The following SLC16A10 variants were observed in gnomAD, a reference collection of about 807,000 sequenced individuals.
SLC16A10 encodes solute carrier family 16 member 10, also known as monocarboxylate transporter 10.
A neutral mutation model predicts 40.0 loss-of-function variants in SLC16A10; 27 were observed. That is an observed-to-expected ratio of 0.67 (90% CI 0.50 to 0.93). The LOEUF (loss-of-function observed/expected upper bound fraction) is 0.93. SLC16A10 is among the 40% of genes least tolerant of loss of function. The pLI, the probability that SLC16A10 is intolerant of heterozygous loss-of-function variation, is 0.00. For synonymous variants in SLC16A10, 213 were observed against 249.8 expected (o/e 0.85, Z 1.39); for missense variants, 529 against 658.2 (o/e 0.80, Z 2.15).
chr6:111,137,060 A>T (rs1190463792), intron 1 of SLC16A10, among the ~76,000 whole-genome samples: 1 of 152,198 alleles, frequency 6.6e-6, no homozygotes, highest in Non-Finnish European at 1.5e-5. Context: ...GAAAGGACAG[A>T]GAAATAAAAG....
At chr6:111,221,144 A>G (rs1395388809) in intron 5 of SLC16A10, among the ~76,000 whole-genome samples, 2 of 152,252 alleles carry the variant, frequency 1.3e-5, no homozygotes, top group African/African-American at 4.8e-5. Flanking sequence ...TAGGTTTTAT[A>G]GTATAAGTTA....
chr6:111,088,199 G>C (rs902210317), intron 1 of SLC16A10, 104 bp downstream of exon 1: 1 of 1,204,790 alleles, frequency 8.3e-7, no homozygotes, highest in Admixed American at 2.5e-5. Context: ...CATGTCGGTG[G>C]GTCCCTGTGC....
At chr6:111,206,793 A>C in intron 4 of SLC16A10, 58 bp downstream of exon 4, 2 of 1,559,814 alleles carry the variant, frequency 1.3e-6, no homozygotes, top group Non-Finnish European at 1.7e-6. Context: ...CCGATGTCTC[A>C]TTAAATGTAC....
intron 1 of SLC16A10, among the ~76,000 whole-genome samples, chr6:111,106,741 C>T (rs940094310): frequency 6.6e-6 from 1 of 152,206 alleles, no homozygotes; most frequent in African/African-American, 2.4e-5. Flanking sequence ...AACTAGTTGC[C>T]TTCAACCCTT....
At chr6:111,109,211 G>A (rs942781790) in intron 1 of SLC16A10, among the ~76,000 whole-genome samples, 4 of 152,146 alleles carry the variant, frequency 2.6e-5, no homozygotes, top group Non-Finnish European at 5.9e-5. Context: ...GTGTACCCTC[G>A]TGATCCTTTT....
chr6:111,125,808 A>G (rs571068906), intron 1 of SLC16A10, among the ~76,000 whole-genome samples: 1 of 152,262 alleles, frequency 6.6e-6, no homozygotes, highest in South Asian at 2.1e-4. Context: ...AACAGGTAGG[A>G]TGGTATTATT....
At chr6:111,192,920 C>A (rs1299193415) in intron 3 of SLC16A10, among the ~76,000 whole-genome samples, 1 of 152,176 alleles carries the variant, frequency 6.6e-6, no homozygotes, top group Admixed American at 6.5e-5. Flanking sequence ...AGTTACAATT[C>A]AAGATGAGAT....
At position 111,225,773 on chromosome 6, in the gene SLC16A10, GC is replaced by G. The variant is rs921087164; in HGVS notation, c.*3539del. On this transcript the variant is annotated 3_prime_UTR_variant, in exon 6 of 6. Transcript: ENST00000368851. ...GGGAAGGCAACCTATAGCATGGGTG[GC>G]TCTGAGGAGTTCCTGCTGGTGCACT... 6.6e-6 allele frequency: 1 copy of G among 152,050 alleles called. No homozygotes were observed. The highest frequency in any genetic ancestry group is 2.4e-5 in the African/African-American group (1 of 41,394). The allele number at this position is 152,050 out of a possible 1,614,324, so 9.4% of individuals were successfully genotyped here. A position where few individuals can be genotyped will look rare whatever the true frequency, so the allele number is the denominator to read the frequency against.
At chr6:111,216,723 C>G (rs370363704) in intron 4 of SLC16A10, among the ~76,000 whole-genome samples, 2 of 152,044 alleles carry the variant, frequency 1.3e-5, no homozygotes, top group Admixed American at 1.3e-4. Context: ...CCGGCCAACT[C>G]GTATTCCTAA....
In SLC16A10 at chr6:111,087,843, C is replaced by T. The variant is rs1770895803; in HGVS notation, c.91C>T (p.Pro31Ser). 7.3e-7 allele frequency: 1 copy of T among 1,371,356 alleles called. No individual in the cohort carries two copies. Among genetic ancestry groups the T allele is most frequent in the Admixed American group, 4.1e-5 (1 of 24,656 alleles). 84.9% of individuals were successfully genotyped at this position (1,371,356 alleles called of 1,614,324 possible). ...CGCGCCCACGGGGGCCGCTCCGCCG[C>T]CCGGCCCGGGACCCTCGGACAGCCC... is the stretch of plus-strand genomic sequence containing the variant. The part of the protein sequence containing the change: ...GPAPTGAAPP[P>S]GPGPSDSPEA... Residue 31 changes from proline (P) to serine (S), a missense_variant, in exon 1 of 6, where the codon CCC becomes TCC. Physicochemically the swap from Pro to Ser is moderately conservative, Grantham distance 74 (BLOSUM62 -1). Transcript: ENST00000368851.
intron 4 of SLC16A10, among the ~76,000 whole-genome samples, chr6:111,209,464 T>C (rs959323014): frequency 5.3e-5 from 8 of 152,170 alleles, no homozygotes; most frequent in African/African-American, 1.9e-4. Flanking sequence ...TTGGGGTTTT[T>C]TAAATTAAAA....
intron 1 of SLC16A10, among the ~76,000 whole-genome samples, chr6:111,143,002 G>T (rs1368117550): frequency 6.6e-6 from 1 of 152,206 alleles, no homozygotes; most frequent in African/African-American, 2.4e-5. Context: ...TAAATAAACT[G>T]TAGCATATCC....
At chr6:111,168,379 C>T (rs1772518061) in intron 1 of SLC16A10, among the ~76,000 whole-genome samples, 1 of 152,114 alleles carries the variant, frequency 6.6e-6, no homozygotes, top group Non-Finnish European at 1.5e-5. Flanking sequence ...AGAAGTACTA[C>T]CTTATAGAAT....
At chr6:111,150,173 C>T (rs1228638877) in intron 1 of SLC16A10, among the ~76,000 whole-genome samples, 1 of 152,176 alleles carries the variant, frequency 6.6e-6, no homozygotes, top group Non-Finnish European at 1.5e-5. Flanking sequence ...GCCGTTGTTG[C>T]AGTAGTGGGT....
At chr6:111,219,670 T>C (rs1327790893) in intron 5 of SLC16A10, among the ~76,000 whole-genome samples, 2 of 150,968 alleles carry the variant, frequency 1.3e-5, no homozygotes, top group South Asian at 2.1e-4. Context: ...GTAAGCAAAA[T>C]GTGGAATATC....
intron 1 of SLC16A10, among the ~76,000 whole-genome samples, chr6:111,091,854 A>G (rs905542201): frequency 6.6e-6 from 1 of 152,238 alleles, no homozygotes; most frequent in Non-Finnish European, 1.5e-5. Context: ...GTTATCTAAC[A>G]CGCTTTGTTT....
Position 111,177,461 on chromosome 6 carries a change from G to C in SLC16A10, c.738G>C (p.Leu246=), listed in dbSNP as rs142734633. The change falls in exon 3 of 6, where the codon CTG becomes CTC. Residue 246 remains leucine, a synonymous_variant. Coordinates refer to ENST00000368851, the MANE Select transcript of SLC16A10 (RefSeq NM_018593.5). ...VLCIFMFVLF[L]AGFTYRPLAT... is the part of the protein sequence containing the mutation. ...GCATCTTCATGTTTGTTCTCTTTCTGGCTGGCTTTACTTACCGACCTCTTG... is the reference window on the plus strand; with the variant it reads ...GCATCTTCATGTTTGTTCTCTTTCTCGCTGGCTTTACTTACCGACCTCTTG... The C allele has an allele frequency of 2.3e-4, 378 of 1,613,970 alleles. 1 individual carries two copies. The African/African-American group carries it at 4.4e-3, about 19-fold the overall frequency.
intron 1 of SLC16A10, among the ~76,000 whole-genome samples, chr6:111,146,774 A>G (rs1361790945): frequency 6.6e-6 from 1 of 152,172 alleles, no homozygotes; most frequent in Non-Finnish European, 1.5e-5. Flanking sequence ...AAACTTGTAC[A>G]TAGATGTTCA....
intron 1 of SLC16A10, among the ~76,000 whole-genome samples, chr6:111,163,470 C>T (rs574362387): frequency 2.0e-5 from 3 of 152,114 alleles, no homozygotes; most frequent in Non-Finnish European, 4.4e-5. Context: ...ATTTTAATTA[C>T]GATTGATAGC....
Sources: gnomAD v4.1 joint callset for allele counts (sites outside exome capture counted in the v4.1 genomes callset) on GRCh38, gnomAD v4.1.1 for gene constraint, MANE v1.5 for transcripts, NCBI Gene and HGNC (gene_info 2026-07-23, HGNC 2026-07-21) for gene names.